The following RAB40B variants were observed in gnomAD, a reference collection of about 807,000 sequenced individuals.
RAB40B encodes ras-related protein Rab-40B.
In RAB40B, 21 loss-of-function variants were observed where a neutral mutation model predicts 24.0. The ratio of observed to expected loss-of-function variants is 0.88; its 90% CI spans 0.62 to 1.26. The LOEUF is 1.26. Among genes scored for constraint, RAB40B ranks in the 50% most tolerant of loss-of-function variants. The probability of loss-of-function intolerance (pLI) is 0.00; values close to 1 mark genes in which losing one functional copy is unlikely to be tolerated. For missense variants in RAB40B, 348 were observed against 390.5 expected (o/e 0.89, Z 0.92); for synonymous variants, 167 against 169.8 (o/e 0.98, Z 0.13).
Position 82,663,702 on chromosome 17 carries a change from G to T in RAB40B, c.203+794C>A, listed in dbSNP as rs554377924. Reference sequence around the variant, plus strand: ...CCCCGCTGGCACCAGGACGCTCCGAGCTCCCTGCCGGGTGCTCAGTGGCAT... The same window carrying T: ...CCCCGCTGGCACCAGGACGCTCCGATCTCCCTGCCGGGTGCTCAGTGGCAT... On this transcript the variant is annotated intron_variant, in intron 2 of 5. Transcript: ENST00000571995. This position sits in a 1 kb window ranked among gnomAD's most constrained non-coding sequence, Gnocchi z 6.2. Among the ~76,000 whole-genome samples, 1 of 152,246 alleles carries T rather than the reference G, an allele frequency of 6.6e-6. No homozygotes were observed. Among genetic ancestry groups the T allele is most frequent in the East Asian group, 1.9e-4 (1 of 5,170 alleles).
At chr17:82,661,159 A>G (rs1198770934) in intron 2 of RAB40B, 112 bp from the exon 3 acceptor site, 2 of 1,507,310 alleles carry the variant, frequency 1.3e-6, no homozygotes, top group South Asian at 1.3e-5. Flanking sequence ...GTCAGCAGCC[A>G]CCACGCCGCC....
intron 1 of RAB40B, among the ~76,000 whole-genome samples, chr17:82,665,259 T>C (rs542462484): frequency 4.9e-4 from 7 of 14,308 alleles, no homozygotes; most frequent in African/African-American, 1.4e-3. Flanking sequence ...TTTCTTCTTC[T>C]TTTTTTTTTT....
intron 1 of RAB40B, among the ~76,000 whole-genome samples, chr17:82,677,614 C>G (rs958820386): frequency 6.6e-6 from 1 of 152,224 alleles, no homozygotes. Context: ...CAGTGGGAAC[C>G]CTGCCTTCCC....
intron 1 of RAB40B, among the ~76,000 whole-genome samples, chr17:82,684,880 G>A (rs577838011): frequency 3.0e-4 from 45 of 152,210 alleles, no homozygotes; most frequent in Non-Finnish European, 5.7e-4. Context: ...CTGGGAGGTC[G>A]AGGCGGGTGG....
chr17:82,662,030 A>G (rs2143457277), intron 2 of RAB40B: 1 of 985,428 alleles, frequency 1.0e-6, no homozygotes, highest in Non-Finnish European at 1.2e-6. Context: ...ACCTACATCA[A>G]TGGGAGATTC....
In RAB40B at chr17:82,655,661, A is replaced by G. The variant is rs1290043677; in HGVS notation, c.*2202T>C. On this transcript the variant is annotated 3_prime_UTR_variant, in exon 6 of 6. Coordinates refer to ENST00000571995, the MANE Select transcript of RAB40B (RefSeq NM_006822.3). ...CTGGGAGGTCGGCCCTGTCGTTCTC[A>G]CCCCACCTGTGGCACAGCAGAGAGA... The G allele has an allele frequency of 1.3e-5, 2 of 152,084 alleles. No individual in the cohort carries two copies. Among genetic ancestry groups the G allele is most frequent in the Non-Finnish European group, 2.9e-5 (2 of 68,068 alleles). 9.4% of individuals were successfully genotyped at this position (152,084 alleles called of 1,614,324 possible). A position where few individuals can be genotyped will look rare whatever the true frequency, so the allele number is the denominator to read the frequency against.
chr17:82,679,803 A>G (rs1176361623), intron 1 of RAB40B, among the ~76,000 whole-genome samples: 6 of 26,226 alleles, frequency 2.3e-4, no homozygotes, highest in African/African-American at 8.9e-4. Context: ...CTGAGCTGTC[A>G]CCACCACAGG....
chr17:82,676,776 C>T (rs1028640220), intron 1 of RAB40B, among the ~76,000 whole-genome samples: 2 of 151,892 alleles, frequency 1.3e-5, no homozygotes, highest in Non-Finnish European at 2.9e-5. Flanking sequence ...TACAGATGCC[C>T]GCCATCACAC....
chr17:82,688,129 C>A (rs1214434416), intron 1 of RAB40B, among the ~76,000 whole-genome samples: 1 of 152,198 alleles, frequency 6.6e-6, no homozygotes, highest in East Asian at 2.0e-4. Context: ...TCCATCAGTC[C>A]ATCCTTCTCT....
At chr17:82,691,915 G>T (rs1367099046) in intron 1 of RAB40B, among the ~76,000 whole-genome samples, 1 of 152,200 alleles carries the variant, frequency 6.6e-6, no homozygotes, top group African/African-American at 2.4e-5. Context: ...ACGGAAATGG[G>T]GTCCAGGCCA....
rs181185833 is a variant in RAB40B at position 82,677,137 on chromosome 17, C to T, written c.143-12581G>A. On this transcript the variant is annotated intron_variant, in intron 1 of 5. Coordinates refer to ENST00000571995, the MANE Select transcript of RAB40B (RefSeq NM_006822.3). ...CTAATTTTTGTATTTTTAGTAGAGA[C>T]GGGGTTTCACCATGTTGGTCAGGCT... Among the ~76,000 whole-genome samples, 862 of 147,476 alleles carry T rather than the reference C, an allele frequency of 5.8e-3. 3 individuals are homozygous for T. Among genetic ancestry groups the T allele is most frequent in the South Asian group, 8.1e-3 (37 of 4,558 alleles).
intron 1 of RAB40B, among the ~76,000 whole-genome samples, chr17:82,681,992 T>C (rs750200354): frequency 6.6e-6 from 1 of 152,150 alleles, no homozygotes; most frequent in Non-Finnish European, 1.5e-5. Context: ...TATCCACTCT[T>C]ACCACTCCAA....
At chr17:82,691,779 A>T (rs1371114486) in intron 1 of RAB40B, among the ~76,000 whole-genome samples, 1 of 152,220 alleles carries the variant, frequency 6.6e-6, no homozygotes. Flanking sequence ...GGTGGCGGAA[A>T]GGCAGGGCCC....
intron 1 of RAB40B, among the ~76,000 whole-genome samples, chr17:82,674,532 G>T (rs1361021499): frequency 6.7e-6 from 1 of 149,232 alleles, no homozygotes; most frequent in Non-Finnish European, 1.5e-5. Context: ...CCAGCTACTC[G>T]GGAGGCTGAG....
chr17:82,686,941 G>A (rs1452067027), intron 1 of RAB40B, among the ~76,000 whole-genome samples: 2 of 151,708 alleles, frequency 1.3e-5, no homozygotes, highest in African/African-American at 4.8e-5. Flanking sequence ...CAGAGGTCAA[G>A]GGCATGGAAG....
chr17:82,666,025 C>T (rs947428957), intron 1 of RAB40B, among the ~76,000 whole-genome samples: 6 of 151,828 alleles, frequency 4.0e-5, no homozygotes, highest in Non-Finnish European at 8.8e-5. Flanking sequence ...CTCATAGGCA[C>T]ACCACTGCAC....
At chr17:82,669,309 C>G (rs554509156) in intron 1 of RAB40B, among the ~76,000 whole-genome samples, 229 of 152,206 alleles carry the variant, frequency 1.5e-3, no homozygotes, top group South Asian at 2.7e-3. Flanking sequence ...AACCTTGTCT[C>G]TGCTAAAAAT....
At chr17:82,662,702 G>C (rs2046189691) in intron 2 of RAB40B, 1 of 985,404 alleles carries the variant, frequency 1.0e-6, no homozygotes, top group East Asian at 1.1e-4. Flanking sequence ...CTGGGGCCTG[G>C]GGGGATTCTG....
At chr17:82,661,363 T>G in intron 2 of RAB40B, 1 of 942,842 alleles carries the variant, frequency 1.1e-6, no homozygotes, top group African/African-American at 1.7e-5. Context: ...TGAAGATAAA[T>G]CTATGCAGTA....
Sources: gnomAD v4.1 joint callset for allele counts (sites outside exome capture counted in the v4.1 genomes callset) on GRCh38, gnomAD v4.1.1 for gene constraint, Gnocchi (gnomAD v3.1) non-coding constraint, MANE v1.5 for transcripts, NCBI Gene and HGNC (gene_info 2026-07-23, HGNC 2026-07-21) for gene names.